Variants in FBN1 observed in about 807,000 individuals in gnomAD.
The protein encoded by FBN1 is fibrillin 1, also known as fibrillin-1.
Under a neutral mutation model 365.1 loss-of-function variants are expected in FBN1, and 29 were observed. That is an observed-to-expected ratio of 0.08 (90% CI 0.06 to 0.11). The LOEUF (loss-of-function observed/expected upper bound fraction) is 0.11. FBN1 is among the 10% of genes least tolerant of loss of function. The pLI is 1.00. For missense variants in FBN1, 2,476 were observed against 3,703.2 expected (o/e 0.67, Z 8.60); for synonymous variants, 1,210 against 1,270.5 (o/e 0.95, Z 1.01).
chr15:48,521,401 T>C (rs1355275942), intron 9 of FBN1, among the ~76,000 whole-genome samples: 1 of 152,230 alleles, frequency 6.6e-6, no homozygotes, highest in Admixed American at 6.5e-5. Context: ...TCCTTTTGTC[T>C]TAGGGCCCTA....
chr15:48,633,937 T>C (rs1178904483), intron 2 of FBN1, among the ~76,000 whole-genome samples: 1 of 152,198 alleles, frequency 6.6e-6, no homozygotes, highest in Non-Finnish European at 1.5e-5. Flanking sequence ...TTCCTGGACC[T>C]TCTCTGGGCC....
intron 4 of FBN1, among the ~76,000 whole-genome samples, chr15:48,601,220 C>A (rs956934428): frequency 1.3e-5 from 2 of 152,194 alleles, no homozygotes; most frequent in African/African-American, 4.8e-5. Context: ...AAGACAGCCA[C>A]GGGCTCATAG....
At chr15:48,578,704 T>C (rs2044367768) in intron 6 of FBN1, among the ~76,000 whole-genome samples, 1 of 150,818 alleles carries the variant, frequency 6.6e-6, no homozygotes, top group Admixed American at 6.6e-5. Context: ...ATGTCCTTTG[T>C]AGGGACATGG....
In FBN1 at chr15:48,537,795, G is replaced by T. The variant is rs2044026882; in HGVS notation, c.552C>A (p.Gly184=). ...GPQCERDYRT[G]PCFTVISNQM... ...GGTTGCTGATCACAGTAAAACATGG[G>T]CCTGTCCTGTAATCTGAAAATAAAG... Residue 184 remains glycine (G), a synonymous_variant, in exon 7 of 66, where the codon GGC becomes GGA. Coordinates refer to ENST00000316623, the MANE Select transcript of FBN1 (RefSeq NM_000138.5). 6.2e-7 allele frequency: 1 copy of T among 1,614,124 alleles called. No individual in the cohort carries two copies. The highest frequency in any genetic ancestry group is 1.1e-5 in the South Asian group (1 of 91,080).
Position 48,415,564 on chromosome 15 carries a change from G to T in FBN1, c.8023C>A (p.Pro2675Thr). The part of the protein sequence containing the change: ...NTEGGYLCGC[P>T]PGYFRIGQGH... ...TGGCCTATGCGGAAGTAACCAGGTG[G>T]ACAGCCACACAGGTAACCGCCCTCG... Residue 2675 changes from proline (P) to threonine (T), a missense_variant, in exon 64 of 66, where the codon CCA (proline) becomes ACA (threonine). Physicochemically the swap from Pro to Thr is conservative, Grantham distance 38. Around this residue, in one of 5 missense-constraint regions of FBN1, gnomAD observed 1,780 missense variants for 2,840.8 expected, o/e 0.63. Transcript: ENST00000316623. The T allele has an allele frequency of 6.2e-7, 1 of 1,614,108 alleles. No homozygotes were observed. Among genetic ancestry groups the T allele is most frequent in the Non-Finnish European group, 8.5e-7 (1 of 1,179,964 alleles).
At chr15:48,438,916 C>A (rs952933835) in intron 50 of FBN1, among the ~76,000 whole-genome samples, 6 of 152,186 alleles carry the variant, frequency 3.9e-5, no homozygotes, top group Non-Finnish European at 7.3e-5. Context: ...TACACAGAGG[C>A]CACAATCTGC....
At chr15:48,415,888 C>G in intron 63 of FBN1, 121 bp from the exon 64 acceptor site, 1 of 794,058 alleles carries the variant, frequency 1.3e-6, no homozygotes, top group Admixed American at 1.9e-5. Flanking sequence ...GAAGGTAAGA[C>G]AGGCAGAGGT....
At chr15:48,639,503 G>T (rs1890162010) in intron 2 of FBN1, among the ~76,000 whole-genome samples, 1 of 152,160 alleles carries the variant, frequency 6.6e-6, no homozygotes, top group Non-Finnish European at 1.5e-5. Flanking sequence ...CCAGGGTTAT[G>T]GGGTATATGT....
At chr15:48,421,476 C>A in intron 62 of FBN1, 82 bp downstream of exon 62, 1 of 1,531,542 alleles carries the variant, frequency 6.5e-7, no homozygotes, top group Non-Finnish European at 8.9e-7. Flanking sequence ...CTCATAGAGG[C>A]TGATGATGAA....
rs61523435 is a variant in FBN1 at position 48,530,560 on chromosome 15, AT to A, written c.862+3519del. Among the ~76,000 whole-genome samples, 1,262 of 146,606 alleles carry A rather than the reference AT, an allele frequency of 8.6e-3. 17 individuals carry two copies. Among genetic ancestry groups the A allele is most frequent in the African/African-American group, 0.026 (1,025 of 40,054 alleles). ...GGGCTCTTTGACCTTCACCGCAGAG[AT>A]TTTTTTTTTTTTCAACTAATTGTAT... On this transcript the variant is annotated intron_variant, in intron 8 of 65. Coordinates refer to ENST00000316623, the MANE Select transcript of FBN1 (RefSeq NM_000138.5).
chr15:48,433,089 G>A, intron 54 of FBN1, 101 bp from the exon 55 acceptor site: 1 of 1,278,014 alleles, frequency 7.8e-7, no homozygotes, highest in South Asian at 1.2e-5. Flanking sequence ...AAGTTGCAAT[G>A]CTTCATTGTC....
At chr15:48,635,909 C>T (rs1052818293) in intron 2 of FBN1, among the ~76,000 whole-genome samples, 3 of 152,200 alleles carry the variant, frequency 2.0e-5, no homozygotes, top group Non-Finnish European at 4.4e-5. Context: ...TCTGAAGTTA[C>T]AGCAGCAAAA....
At chr15:48,473,808 A>C (rs1416939966) in intron 34 of FBN1, among the ~76,000 whole-genome samples, 1 of 146,106 alleles carries the variant, frequency 6.8e-6, no homozygotes, top group African/African-American at 2.7e-5. Context: ...AGAAATAGGC[A>C]AAAAAAAAAT....
chr15:48,588,546 A>G (rs1012656650), intron 6 of FBN1, among the ~76,000 whole-genome samples: 4 of 152,228 alleles, frequency 2.6e-5, no homozygotes, highest in African/African-American at 4.8e-5. Flanking sequence ...AAACCATGAC[A>G]CTAAATTTAA....
intron 2 of FBN1, among the ~76,000 whole-genome samples, chr15:48,638,932 G>A (rs1029685490): frequency 6.6e-6 from 1 of 152,122 alleles, no homozygotes. Context: ...CACAAGTCAA[G>A]GTCTAATATT....
At chr15:48,436,233 A>G (rs2043070910) in intron 53 of FBN1, among the ~76,000 whole-genome samples, 1 of 152,184 alleles carries the variant, frequency 6.6e-6, no homozygotes, top group Non-Finnish European at 1.5e-5. Context: ...TTTTACTTGC[A>G]TAATATTATA....
chr15:48,480,098 A>G (rs553488916), intron 32 of FBN1, among the ~76,000 whole-genome samples: 6 of 152,278 alleles, frequency 3.9e-5, no homozygotes, highest in African/African-American at 1.4e-4. Flanking sequence ...GCCTAAAATA[A>G]TCAGCCACTG....
chr15:48,490,011 G>C lies in FBN1; in HGVS notation c.2922C>G (p.Arg974=), dbSNP rs2043544318. 1 of 1,614,148 alleles carries C rather than the reference G, an allele frequency of 6.2e-7. No individual in the cohort carries two copies. Among genetic ancestry groups the C allele is most frequent in the Non-Finnish European group, 8.5e-7 (1 of 1,180,044 alleles). The change falls in exon 25 of 66, where the codon CGC becomes CGG. Residue 974 remains arginine (R), a synonymous_variant. Transcript: ENST00000316623. ...AGCAGCAGCAGGCGTCCATGCGGTG[G>C]CGGCCAGCAATAGGCAGGGTGCACT... is the stretch of plus-strand genomic sequence containing the variant. ...DEECTLPIAG[R]HRMDACCCSV...
At chr15:48,634,481 C>A (rs1239245130) in intron 2 of FBN1, among the ~76,000 whole-genome samples, 1 of 152,094 alleles carries the variant, frequency 6.6e-6, no homozygotes, top group African/African-American at 2.4e-5. Flanking sequence ...TCTGCTCTGT[C>A]CAGCCTAGGT....
Sources: allele counts gnomAD v4.1 joint callset (sites outside exome capture counted in the v4.1 genomes callset), GRCh38; gene constraint gnomAD v4.1.1; regional missense constraint gnomAD v4.1.1; transcripts MANE v1.5; gene names NCBI Gene and HGNC (gene_info 2026-07-23, HGNC 2026-07-21).